ADAMTS20: variants seen among roughly 807,000 people sequenced by gnomAD.
ADAMTS20 encodes ADAM metallopeptidase with thrombospondin type 1 motif 20, also known as A disintegrin and metalloproteinase with thrombospondin motifs 20.
A neutral mutation model predicts 260.1 loss-of-function variants in ADAMTS20; 225 were observed. The ratio of observed to expected loss-of-function variants is 0.87; its 90% confidence interval spans 0.78 to 0.97. The LOEUF is 0.97. Among genes scored for constraint, ADAMTS20 ranks in the 50% least tolerant of loss-of-function variants. ADAMTS20 has a pLI of 0.00. For missense variants in ADAMTS20, 2,400 were observed against 2,337.7 expected (o/e 1.03, Z -0.55); for synonymous variants, 802 against 769.5 (o/e 1.04, Z -0.70).
At chr12:43,361,915 T>C (rs535384483) in intron 37 of ADAMTS20, among the ~76,000 whole-genome samples, 1 of 152,254 alleles carries the variant, frequency 6.6e-6, no homozygotes, top group South Asian at 2.1e-4. Context: ...ATTTTCTTGA[T>C]GTCTCATTGA....
Position 43,434,276 on chromosome 12 carries a change from T to C in ADAMTS20, c.2689A>G (p.Thr897Ala). ...CDHLPLPSFV[T>A]QSCNTDCELR... The stretch of plus-strand genomic sequence containing the variant: ...TCACAGTCTGTATTGCAACTTTGAG[T>C]AACAAATGATGGAAGTGGCAAGTGG... Residue 897 changes from threonine (T) to alanine (A), a missense_variant, in exon 19 of 39, where the codon ACT (threonine) becomes GCT (alanine). Transcript: ENST00000389420. 2 of 1,588,246 alleles carry C rather than the reference T, an allele frequency of 1.3e-6. No individual in the cohort carries two copies. Among genetic ancestry groups the C allele is most frequent in the African/African-American group, 1.3e-5 (1 of 74,690 alleles).
At chr12:43,544,596 C>A (rs1263975622) in intron 2 of ADAMTS20, among the ~76,000 whole-genome samples, 1 of 152,082 alleles carries the variant, frequency 6.6e-6, no homozygotes, top group African/African-American at 2.4e-5. Flanking sequence ...AAAAGGAAGG[C>A]AGCTCAAAAT....
At chr12:43,543,454 G>T (rs1012836649) in intron 2 of ADAMTS20, among the ~76,000 whole-genome samples, 10 of 152,132 alleles carry the variant, frequency 6.6e-5, no homozygotes, top group Admixed American at 5.9e-4. Flanking sequence ...AGCAAGTTGG[G>T]GTTAGGGTTG....
chr12:43,364,817 A>G (rs1383883582), intron 37 of ADAMTS20, among the ~76,000 whole-genome samples: 1 of 152,150 alleles, frequency 6.6e-6, no homozygotes, highest in African/African-American at 2.4e-5. Context: ...AGAAATAATG[A>G]CTGAAAATTT....
chr12:43,397,663 T>C (rs905074231), intron 29 of ADAMTS20, among the ~76,000 whole-genome samples: 2 of 152,152 alleles, frequency 1.3e-5, no homozygotes, highest in South Asian at 2.1e-4. Context: ...AATAGAGAAA[T>C]CTTTTAAATC....
At chr12:43,362,894 G>A (rs987928064) in intron 37 of ADAMTS20, among the ~76,000 whole-genome samples, 1 of 151,256 alleles carries the variant, frequency 6.6e-6, no homozygotes, top group African/African-American at 2.4e-5. Flanking sequence ...TCTAGAAGCT[G>A]GAAAAGGCAA....
intron 7 of ADAMTS20, among the ~76,000 whole-genome samples, chr12:43,484,868 T>C (rs1942497797): frequency 6.6e-6 from 1 of 151,774 alleles, no homozygotes; most frequent in African/African-American, 2.4e-5. Context: ...AGAAAATCAT[T>C]GCAAAAAGGA....
intron 3 of ADAMTS20, among the ~76,000 whole-genome samples, chr12:43,507,208 A>G (rs887800214): frequency 6.6e-6 from 1 of 152,200 alleles, no homozygotes; most frequent in Non-Finnish European, 1.5e-5. Flanking sequence ...ATCATGATGT[A>G]TACCTTGAAT....
At chr12:43,498,414 C>A in intron 4 of ADAMTS20, among the ~76,000 whole-genome samples, 1 of 146,228 alleles carries the variant, frequency 6.8e-6, no homozygotes, top group East Asian at 2.4e-4. Flanking sequence ...TGAAAGCATT[C>A]CCCTATTTCC....
At position 43,376,595 on chromosome 12, in the gene ADAMTS20, T is replaced by C. The variant is rs751533069; in HGVS notation, c.5054A>G (p.His1685Arg). 1.1e-5 allele frequency: 18 copies of C among 1,613,570 alleles called. No individual in the cohort carries two copies. Among genetic ancestry groups the C allele is most frequent in the Admixed American group, 1.7e-5 (1 of 59,978 alleles). Residue 1685 changes from histidine to arginine, a missense_variant, in exon 33 of 39, where the codon CAT (histidine) becomes CGT (arginine). By Grantham distance (29) the His-to-Arg change is conservative. Transcript: ENST00000389420. ...TAAACATAAGTCACTGGACAAACCA[T>C]GTTTGGTAATGCATTTCACTTGTCT... is the stretch of plus-strand genomic sequence containing the variant. ...MKRQVKCITK[H>R]GLSSDLCLNH...
chr12:43,373,181 T>C (rs1940142816), intron 36 of ADAMTS20, among the ~76,000 whole-genome samples: 1 of 152,188 alleles, frequency 6.6e-6, no homozygotes, highest in Admixed American at 6.5e-5. Flanking sequence ...ACCATGCAAG[T>C]TTAAGGAAGA....
intron 28 of ADAMTS20, among the ~76,000 whole-genome samples, chr12:43,421,282 C>CACA (rs368419833): frequency 8.4e-6 from 1 of 118,892 alleles, no homozygotes; most frequent in African/African-American, 3.1e-5. Flanking sequence ...CTTTCATTTA[C>CACA]AAAAAAAAAA....
chr12:43,523,842 G>A (rs1943104585), intron 3 of ADAMTS20, among the ~76,000 whole-genome samples: 1 of 147,612 alleles, frequency 6.8e-6, no homozygotes. Context: ...GCCCCCAGCT[G>A]GCTTTGTCCA....
chr12:43,526,237 C>T (rs765578418), intron 3 of ADAMTS20, among the ~76,000 whole-genome samples: 4 of 152,116 alleles, frequency 2.6e-5, no homozygotes, highest in Admixed American at 6.5e-5. Flanking sequence ...GGGTGGATCA[C>T]GAGGTCAGGA....
chr12:43,453,009 A>G (rs1233756175), intron 12 of ADAMTS20, among the ~76,000 whole-genome samples: 1 of 152,196 alleles, frequency 6.6e-6, no homozygotes, highest in African/African-American at 2.4e-5. Context: ...TCTGGAAAGA[A>G]GAAAAGACAT....
intron 2 of ADAMTS20, among the ~76,000 whole-genome samples, chr12:43,543,091 G>A (rs1304331974): frequency 6.6e-6 from 1 of 152,124 alleles, no homozygotes; most frequent in African/African-American, 2.4e-5. Flanking sequence ...CTTGAGGCCA[G>A]GAGTTCAAGA....
Position 43,452,579 on chromosome 12 carries a change from T to A in ADAMTS20, c.1877A>T (p.Asn626Ile), listed in dbSNP as rs766100401. 1.9e-6 allele frequency: 3 copies of A among 1,613,542 alleles called. No homozygotes were observed. ...GCCACTGATGTCCAAATGTTTACCA[T>A]TAAAATCAGAGCACTGCTTCTCTCG... ...DFREKQCSDF[N>I]GKHLDISGIP... Residue 626 changes from asparagine to isoleucine, a missense_variant, in exon 13 of 39, where the codon AAT (asparagine) becomes ATT (isoleucine). Physicochemically the swap from Asn to Ile is moderately radical, Grantham distance 149 (BLOSUM62 -3). Transcript: ENST00000389420.
chr12:43,430,617 CA>C, intron 22 of ADAMTS20, 146 bp from the exon 23 acceptor site: 1 of 721,970 alleles, frequency 1.4e-6, no homozygotes, highest in Non-Finnish European at 2.0e-6. Context: ...TTAAAAAGAG[CA>C]AATTCAATAA....
intron 3 of ADAMTS20, among the ~76,000 whole-genome samples, chr12:43,529,318 A>G (rs1483041602): frequency 6.6e-6 from 1 of 152,172 alleles, no homozygotes; most frequent in African/African-American, 2.4e-5. Context: ...ACCCAATGGA[A>G]AAGAAATCAT....
Sources: gnomAD v4.1 joint callset for allele counts (sites outside exome capture counted in the v4.1 genomes callset) on GRCh38, gnomAD v4.1.1 for gene constraint, MANE v1.5 for transcripts, NCBI Gene and HGNC (gene_info 2026-07-23, HGNC 2026-07-21) for gene names.